The following AGBL4 variants were observed in gnomAD, a reference collection of about 807,000 sequenced individuals.
AGBL4 encodes the protein cytosolic carboxypeptidase 6.
AGBL4 carries 58 observed loss-of-function variants against 66.4 expected under a neutral mutation model. That is an observed-to-expected ratio of 0.87 (90% CI 0.71 to 1.09). The LOEUF (loss-of-function observed/expected upper bound fraction) is 1.09. Ranked by LOEUF, AGBL4 falls within the 50% of genes least tolerant of loss-of-function variation. The pLI, the probability that AGBL4 is intolerant of heterozygous loss-of-function variation, is 0.00. For synonymous variants in AGBL4, 234 were observed against 222.9 expected (o/e 1.05, Z -0.44); for missense variants, 579 against 631.0 (o/e 0.92, Z 0.88).
chr1:49,747,384 T>C (rs1284792170), intron 2 of AGBL4, among the ~76,000 whole-genome samples: 1 of 152,158 alleles, frequency 6.6e-6, no homozygotes, highest in Admixed American at 6.6e-5. Flanking sequence ...CAAAATTTCC[T>C]GACATTACCT....
intron 6 of AGBL4, among the ~76,000 whole-genome samples, chr1:48,830,715 C>G (rs935857978): frequency 6.6e-6 from 1 of 152,152 alleles, no homozygotes; most frequent in Non-Finnish European, 1.5e-5. Flanking sequence ...AGTCACTGAG[C>G]TAATCAATAA....
At chr1:48,963,081 T>G (rs1049752217) in intron 5 of AGBL4, among the ~76,000 whole-genome samples, 1 of 149,594 alleles carries the variant, frequency 6.7e-6, no homozygotes, top group Non-Finnish European at 1.5e-5. Context: ...CTGGGTAATT[T>G]TCTAAGAACA....
chr1:48,567,692 G>T (rs1339991139), intron 11 of AGBL4, among the ~76,000 whole-genome samples: 1 of 152,200 alleles, frequency 6.6e-6, no homozygotes. Flanking sequence ...CCTGTTGGGG[G>T]CCTGAAGAAA....
chr1:48,685,090 T>C (rs1429250139), intron 6 of AGBL4, among the ~76,000 whole-genome samples: 1 of 152,146 alleles, frequency 6.6e-6, no homozygotes, highest in Non-Finnish European at 1.5e-5. Context: ...ACGGCCTGTC[T>C]GGAGGGGCCA....
At chr1:49,238,443 C>T (rs2148314303) in intron 4 of AGBL4, among the ~76,000 whole-genome samples, 1 of 152,244 alleles carries the variant, frequency 6.6e-6, no homozygotes, top group South Asian at 2.1e-4. Context: ...ATTCTCTTCT[C>T]TGTCTTCTGT....
At position 49,086,787 on chromosome 1, in the gene AGBL4, C is replaced by A. The variant is rs367902703; in HGVS notation, c.378-40987G>T. ...GGGAAGGCACATCCCCGTATTCCCC[C>A]AGGAAGAACTCAGACAGCAGATTAG... On this transcript the variant is annotated intron_variant, in intron 4 of 13. Transcript: ENST00000371839. Among the ~76,000 whole-genome samples the A allele has an allele frequency of 2.0e-5, 3 of 152,082 alleles. No homozygotes were observed. The South Asian group carries it at 6.2e-4, about 31-fold the overall frequency.
chr1:49,958,705 A>AG (rs878966983), intron 1 of AGBL4, among the ~76,000 whole-genome samples: 2 of 80,202 alleles, frequency 2.5e-5, no homozygotes, highest in African/African-American at 4.8e-5. Flanking sequence ...GGGGTTGGGG[A>AG]GGGGGGAGGG....
At chr1:49,411,703 A>AT (rs57334786) in intron 3 of AGBL4, among the ~76,000 whole-genome samples, 151,877 of 152,310 alleles carry the variant, frequency 1, 75,723 homozygotes, top group Middle Eastern at 1. Context: ...AACCTCTTGA[A>AT]ATAAACTAAA....
At chr1:48,921,016 A>G (rs1237479901) in intron 5 of AGBL4, among the ~76,000 whole-genome samples, 1 of 152,246 alleles carries the variant, frequency 6.6e-6, no homozygotes, top group African/African-American at 2.4e-5. Flanking sequence ...TCCATTTTCC[A>G]AAGTGCCATT....
chr1:49,909,128 G>T (rs1177280678), intron 1 of AGBL4, among the ~76,000 whole-genome samples: 1 of 152,072 alleles, frequency 6.6e-6, no homozygotes, highest in Admixed American at 6.6e-5. Flanking sequence ...TTCTCCATCT[G>T]TAAAATAACA....
At position 49,347,440 on chromosome 1, in the gene AGBL4, A is replaced by G. The variant is rs540389013; in HGVS notation, c.283-101576T>C. Among the ~76,000 whole-genome samples, 35 of 151,678 alleles carry G rather than the reference A, an allele frequency of 2.3e-4. 1 individual carries two copies. The highest frequency in any genetic ancestry group is 7.5e-4 in the African/African-American group (31 of 41,446). On this transcript the variant is annotated intron_variant, in intron 3 of 13. Transcript: ENST00000371839. ...CTAATTTTTTGTATCTTTAGTAGAG[A>G]CGGGGTTTCACCGTGTTGGCCAGGA... is the stretch of plus-strand genomic sequence containing the variant.
chr1:49,647,174 T>G (rs1348051073), intron 3 of AGBL4, among the ~76,000 whole-genome samples: 1 of 151,938 alleles, frequency 6.6e-6, no homozygotes. Context: ...AATTAATAAA[T>G]GAGACATCAT....
chr1:49,562,017 G>A (rs2148855223), intron 3 of AGBL4, among the ~76,000 whole-genome samples: 1 of 152,144 alleles, frequency 6.6e-6, no homozygotes, highest in African/African-American at 2.4e-5. Flanking sequence ...GTGTGAGATG[G>A]TATCTCATTG....
At chr1:49,149,071 C>T (rs1490108656) in intron 4 of AGBL4, among the ~76,000 whole-genome samples, 1 of 152,166 alleles carries the variant, frequency 6.6e-6, no homozygotes, top group East Asian at 1.9e-4. Context: ...GGCATTGGCT[C>T]TTGCCCATCT....
chr1:49,208,543 G>T (rs1648421811), intron 4 of AGBL4, among the ~76,000 whole-genome samples: 1 of 152,008 alleles, frequency 6.6e-6, no homozygotes, highest in African/African-American at 2.4e-5. Context: ...TACCACAGCT[G>T]CCCCTTCTGT....
chr1:49,090,509 C>T (rs1644983930), intron 4 of AGBL4, among the ~76,000 whole-genome samples: 1 of 152,022 alleles, frequency 6.6e-6, no homozygotes, highest in African/African-American at 2.4e-5. Context: ...GAATAAAATA[C>T]CTAGGAATAT....
chr1:49,469,503 A>G (rs562265032), intron 3 of AGBL4, among the ~76,000 whole-genome samples: 2 of 151,860 alleles, frequency 1.3e-5, no homozygotes, highest in African/African-American at 4.8e-5. Context: ...ATTATTTAAA[A>G]TAATTGCACT....
chr1:49,050,895 G>C (rs1034449160), intron 4 of AGBL4, among the ~76,000 whole-genome samples: 7 of 152,074 alleles, frequency 4.6e-5, no homozygotes, highest in Non-Finnish European at 1.0e-4. Context: ...ACTTATGAGT[G>C]AATGAGTGAT....
chr1:49,053,893 G>C (rs74447655), intron 4 of AGBL4, among the ~76,000 whole-genome samples: 3,797 of 152,198 alleles, frequency 0.025, 71 homozygotes, highest in Non-Finnish European at 0.035. Flanking sequence ...ATAAAAATCA[G>C]AAGACACAAA....
Sources: gnomAD v4.1 joint callset for allele counts (sites outside exome capture counted in the v4.1 genomes callset) on GRCh38, gnomAD v4.1.1 for gene constraint, MANE v1.5 for transcripts, NCBI Gene and HGNC (gene_info 2026-07-23, HGNC 2026-07-21) for gene names.